CLYBL: variants seen among roughly 807,000 people sequenced by gnomAD.
CLYBL encodes citramalyl-CoA lyase, also known as citramalyl-CoA lyase, mitochondrial.
A neutral mutation model predicts 38.9 loss-of-function variants in CLYBL; 31 were observed. The ratio of observed to expected loss-of-function variants is 0.80; its 90% confidence interval spans 0.60 to 1.08. CLYBL has a LOEUF of 1.08. Among genes scored for constraint, CLYBL ranks in the 50% least tolerant of loss-of-function variants. CLYBL has a pLI of 0.00. For missense variants in CLYBL, 434 were observed against 411.6 expected, an observed-to-expected ratio of 1.05 and a Z score of -0.47; for synonymous variants, 171 against 158.6, an observed-to-expected ratio of 1.08 and a Z score of -0.59.
chr13:99,693,377 C>G (rs921176607), intron 1 of CLYBL, among the ~76,000 whole-genome samples: 1 of 152,048 alleles, frequency 6.6e-6, no homozygotes, highest in South Asian at 2.1e-4. Flanking sequence ...ACCAGCATAC[C>G]TGGGAACACA....
chr13:99,634,457 T>C (rs1432773923), intron 1 of CLYBL, among the ~76,000 whole-genome samples: 1 of 152,178 alleles, frequency 6.6e-6, no homozygotes, highest in Non-Finnish European at 1.5e-5. Flanking sequence ...TCCATCTGTG[T>C]TGATGTAAAC....
chr13:99,699,869 C>T (rs1253468318), intron 1 of CLYBL, among the ~76,000 whole-genome samples: 2 of 150,426 alleles, frequency 1.3e-5, no homozygotes, highest in Non-Finnish European at 2.9e-5. Context: ...TGGCGGGTGC[C>T]TGTAGTCCCA....
At chr13:99,824,257 G>GC (rs57450534) in intron 2 of CLYBL, among the ~76,000 whole-genome samples, 6,456 of 130,430 alleles carry the variant, frequency 0.049, 419 homozygotes, top group African/African-American at 0.17. Flanking sequence ...CTGACTAATA[G>GC]CCCCCCCCAC....
At chr13:99,807,345 G>T (rs1327726279) in intron 2 of CLYBL, among the ~76,000 whole-genome samples, 4 of 152,184 alleles carry the variant, frequency 2.6e-5, no homozygotes, top group African/African-American at 9.7e-5. Flanking sequence ...GAATCCACTG[G>T]CTGGTATTCA....
At chr13:99,697,024 A>T (rs545719175) in intron 1 of CLYBL, among the ~76,000 whole-genome samples, 1 of 152,266 alleles carries the variant, frequency 6.6e-6, no homozygotes, top group South Asian at 2.1e-4. Context: ...TCCAAACCAC[A>T]GCCATTGTCC....
At chr13:99,676,567 G>A (rs545219052) in intron 1 of CLYBL, among the ~76,000 whole-genome samples, 1 of 151,174 alleles carries the variant, frequency 6.6e-6, no homozygotes, top group Admixed American at 6.6e-5. Flanking sequence ...TGGGATTACA[G>A]GCATGAGCCA....
At position 99,616,513 on chromosome 13, in the gene CLYBL, G is replaced by T. The variant is rs1041740991; in HGVS notation, c.62+9756G>T. Among the ~76,000 whole-genome samples, 13 of 152,154 alleles carry T rather than the reference G, an allele frequency of 8.5e-5. 1 individual carries two copies. The highest frequency in any genetic ancestry group is 4.4e-5 in the Non-Finnish European group (3 of 68,038). On this transcript the variant is annotated intron_variant, in intron 1 of 8. Coordinates refer to ENST00000339105, the MANE Select transcript of CLYBL (RefSeq NM_206808.5). ...TCTGTTTCCAGACCTAAAAAGGCCTGTTGGCTACCGCGACAGCCTTGGCTG... is the reference window on the plus strand; with the variant it reads ...TCTGTTTCCAGACCTAAAAAGGCCTTTTGGCTACCGCGACAGCCTTGGCTG...
intron 1 of CLYBL, among the ~76,000 whole-genome samples, chr13:99,654,426 C>T (rs546298271): frequency 6.6e-6 from 1 of 152,298 alleles, no homozygotes; most frequent in East Asian, 1.9e-4. Context: ...TCCTCCGTAC[C>T]CTCATCCCAA....
chr13:99,741,619 T>C (rs994139418), intron 1 of CLYBL, among the ~76,000 whole-genome samples: 1 of 152,242 alleles, frequency 6.6e-6, no homozygotes, highest in Non-Finnish European at 1.5e-5. Context: ...TGGCATGATC[T>C]CAGCTCACTG....
intron 2 of CLYBL, among the ~76,000 whole-genome samples, chr13:99,790,246 T>A (rs1360807721): frequency 6.6e-6 from 1 of 152,206 alleles, no homozygotes; most frequent in African/African-American, 2.4e-5. Flanking sequence ...CATTATGATG[T>A]TAGCTGGTTA....
chr13:99,891,383 T>C lies in CLYBL; in HGVS notation c.993T>C (p.Val331=), dbSNP rs2052485998. Residue 331 remains valine (V), a synonymous_variant, in exon 8 of 9, where the codon GTT becomes GTC. Transcript: ENST00000339105. ...TACTGAAGCAGGCCCAGAACACTGT[T>C]ACGCTTGCCACCTCCATCAAGGAAA... The part of the protein sequence containing the change: ...MPLLKQAQNT[V]TLATSIKEK The C allele has an allele frequency of 6.2e-7, 1 of 1,613,784 alleles. No homozygotes were observed. The highest frequency in any genetic ancestry group is 1.1e-5 in the South Asian group (1 of 91,080).
chr13:99,696,706 A>C (rs887908863), intron 1 of CLYBL, among the ~76,000 whole-genome samples: 109 of 151,894 alleles, frequency 7.2e-4, no homozygotes, highest in African/African-American at 2.5e-3. Context: ...GCACTTTGGG[A>C]GGCTAAGGCA....
At chr13:99,897,521 C>A (rs978418227), downstream of CLYBL, among the ~76,000 whole-genome samples, 13 of 152,192 alleles carry the variant, frequency 8.5e-5, no homozygotes, top group African/African-American at 3.1e-4. Context: ...TGGCTGTCAC[C>A]AGGATGGGTG....
At chr13:99,675,321 G>GAA (rs2047627868) in intron 1 of CLYBL, among the ~76,000 whole-genome samples, 1 of 152,124 alleles carries the variant, frequency 6.6e-6, no homozygotes, top group African/African-American at 2.4e-5. Context: ...CCCTATATGT[G>GAA]TATATACTTT....
At chr13:99,720,472 C>T (rs1034023001) in intron 1 of CLYBL, among the ~76,000 whole-genome samples, 4 of 152,162 alleles carry the variant, frequency 2.6e-5, no homozygotes, top group Admixed American at 1.3e-4. Context: ...TGCTCACCAT[C>T]GCTCCTTTGG....
At chr13:99,750,586 A>G (rs1303070500) in intron 1 of CLYBL, among the ~76,000 whole-genome samples, 1 of 151,906 alleles carries the variant, frequency 6.6e-6, no homozygotes, top group Non-Finnish European at 1.5e-5. Flanking sequence ...AGGCAGAAGA[A>G]TCGCTGGAAC....
At chr13:99,768,470 G>C (rs1456206165) in intron 1 of CLYBL, among the ~76,000 whole-genome samples, 1 of 145,510 alleles carries the variant, frequency 6.9e-6, no homozygotes, top group Non-Finnish European at 1.5e-5. Flanking sequence ...TGGGATTACA[G>C]GTGTGAGCCA....
At chr13:99,773,146 C>T (rs1358495738) in intron 2 of CLYBL, 136 bp downstream of exon 2, 2 of 717,088 alleles carry the variant, frequency 2.8e-6, no homozygotes, top group East Asian at 5.5e-5. Flanking sequence ...CTTTGATCTG[C>T]TTTTATATAG....
intron 1 of CLYBL, among the ~76,000 whole-genome samples, chr13:99,730,778 T>C (rs1445897452): frequency 6.6e-6 from 1 of 152,084 alleles, no homozygotes; most frequent in African/African-American, 2.4e-5. Flanking sequence ...TCCCCATTCT[T>C]TCCCCTAAAG....
Sources: gnomAD v4.1 joint callset for allele counts (sites outside exome capture counted in the v4.1 genomes callset) on GRCh38, gnomAD v4.1.1 for gene constraint, MANE v1.5 for transcripts, NCBI Gene and HGNC (gene_info 2026-07-23, HGNC 2026-07-21) for gene names.